PTPRN2: variants seen among roughly 807,000 people sequenced by gnomAD.
PTPRN2 encodes receptor-type tyrosine-protein phosphatase N2.
A neutral mutation model predicts 118.8 loss-of-function variants in PTPRN2; 74 were observed. The ratio of observed to expected loss-of-function variants is 0.62; its 90% CI spans 0.52 to 0.76. The LOEUF is 0.76. Among genes scored for constraint, PTPRN2 ranks in the 30% least tolerant of loss-of-function variants. The pLI, the probability that PTPRN2 is intolerant of heterozygous loss-of-function variation, is 0.00. For synonymous variants in PTPRN2, 641 were observed against 608.0 expected, an observed-to-expected ratio of 1.05 and a Z score of -0.80; for missense variants, 1,481 against 1,394.4, an observed-to-expected ratio of 1.06 and a Z score of -0.99.
intron 2 of PTPRN2, among the ~76,000 whole-genome samples, chr7:158,409,249 G>A (rs1346897741): frequency 6.6e-6 from 1 of 152,234 alleles, no homozygotes; most frequent in Non-Finnish European, 1.5e-5. Context: ...GGCCCACGCT[G>A]ACCTCTGCAG....
chr7:158,242,191 C>T (rs925871767), intron 3 of PTPRN2, among the ~76,000 whole-genome samples: 4 of 152,188 alleles, frequency 2.6e-5, no homozygotes, highest in African/African-American at 9.7e-5. Context: ...AGTACAACCT[C>T]CTCCCCGCCC....
intron 12 of PTPRN2, among the ~76,000 whole-genome samples, chr7:157,843,809 C>T (rs1233055381): frequency 6.6e-6 from 1 of 152,206 alleles, no homozygotes; most frequent in East Asian, 1.9e-4. Context: ...AGGACCAAGG[C>T]TTAATGCGTG....
chr7:158,166,854 C>T, intron 6 of PTPRN2, 77 bp downstream of exon 6: 1 of 1,385,648 alleles, frequency 7.2e-7, no homozygotes, highest in Non-Finnish European at 9.4e-7. Context: ...GTGGGAAGAG[C>T]ATGGTGCGTC....
intron 2 of PTPRN2, among the ~76,000 whole-genome samples, chr7:158,383,147 C>CT (rs1563225094): frequency 6.6e-6 from 1 of 152,114 alleles, no homozygotes; most frequent in Non-Finnish European, 1.5e-5. Flanking sequence ...GACCCACCTC[C>CT]TGAGCTAACG....
chr7:158,270,841 TCACCTGGACCGCCCCC>T (rs1443936334), intron 3 of PTPRN2, among the ~76,000 whole-genome samples: 223 of 4,576 alleles, frequency 0.049, 13 homozygotes, highest in African/African-American at 0.084. Context: ...GATGACCCCC[TCACCTGGACCGCCCCC>T]CCACCTGGAC....
intron 15 of PTPRN2, chr7:157,616,932 A>G (rs1021016877): frequency 1.3e-5 from 2 of 152,240 alleles, no homozygotes; most frequent in Non-Finnish European, 2.9e-5. Flanking sequence ...ATGCTTAGCC[A>G]AAGTGCTTCA....
At position 157,729,046 on chromosome 7, in the gene PTPRN2, A is replaced by T. The variant is rs1461396879; in HGVS notation, c.1789-46109T>A. On this transcript the variant is annotated intron_variant, in intron 12 of 22. Transcript: ENST00000389418. This position sits in a 1 kb window ranked among gnomAD's most constrained non-coding sequence, Gnocchi z 4.3. ...GGTCGGTCGTTGTCTGGACACAGAC[A>T]ATGGGAATCTGGGCTGATACCGGGC... 1.3e-5 allele frequency among the ~76,000 whole-genome samples: 2 copies of T among 152,194 alleles called. No individual in the cohort carries two copies. The highest frequency in any genetic ancestry group is 1.5e-5 in the Non-Finnish European group (1 of 68,022).
chr7:158,369,087 G>A (rs1333577613), intron 2 of PTPRN2, among the ~76,000 whole-genome samples: 1 of 152,000 alleles, frequency 6.6e-6, no homozygotes, highest in African/African-American at 2.4e-5. Context: ...GACTAGACTG[G>A]CCTAGCCTCC....
chr7:158,446,930 A>T lies in PTPRN2; in HGVS notation c.163+42805T>A, dbSNP rs142254622. ...GCTCCTGTTCCCACGGCCTCACGGC[A>T]TCCGTCACTTTCGAGGGTCATCACA... On this transcript the variant is annotated intron_variant, in intron 2 of 22. Coordinates refer to ENST00000389418, the MANE Select transcript of PTPRN2 (RefSeq NM_002847.5). 6.6e-5 allele frequency among the ~76,000 whole-genome samples: 10 copies of T among 152,278 alleles called. No homozygotes were observed. In the East Asian group the frequency reaches 1.4e-3, roughly 21 times the overall value.
chr7:157,592,320 G>A (rs750987723), intron 17 of PTPRN2, among the ~76,000 whole-genome samples: 2 of 152,260 alleles, frequency 1.3e-5, no homozygotes, highest in Non-Finnish European at 2.9e-5. Context: ...ATCTGGGCAC[G>A]CTATGAGCCT....
At position 157,615,451 on chromosome 7, in the gene PTPRN2, C is replaced by A. The variant is rs868158983; in HGVS notation, c.2344+5911G>T. On this transcript the variant is annotated intron_variant, in intron 15 of 22. Coordinates refer to ENST00000389418, the MANE Select transcript of PTPRN2 (RefSeq NM_002847.5). This position sits in a 1 kb window ranked among gnomAD's most constrained non-coding sequence, Gnocchi z 4.3. Reference sequence around the variant, plus strand: ...CGAGGATGAAAAGGAGGTGTTTAGCCCCGAGCCTCACGTGGAAACATCTGA... The same window carrying A: ...CGAGGATGAAAAGGAGGTGTTTAGCACCGAGCCTCACGTGGAAACATCTGA... 2.1e-6 allele frequency: 1 copy of A among 471,208 alleles called. No homozygotes were observed. The highest frequency in any genetic ancestry group is 1.5e-5 in the South Asian group (1 of 64,566). 29.2% of individuals were successfully genotyped at this position (471,208 alleles called of 1,614,324 possible).
Position 157,611,502 on chromosome 7 carries a change from G to A in PTPRN2, c.2345-7427C>T, listed in dbSNP as rs1364481600. 6.6e-6 allele frequency among the ~76,000 whole-genome samples: 1 copy of A among 152,170 alleles called. No individual in the cohort carries two copies. Among genetic ancestry groups the A allele is most frequent in the Non-Finnish European group, 1.5e-5 (1 of 68,010 alleles). ...CACTGAGCTGACTTGGAGGCACCAG[G>A]TCCCAGGGTTGAGCTGCGTACCCTC... On this transcript the variant is annotated intron_variant, in intron 15 of 22. Coordinates refer to ENST00000389418, the MANE Select transcript of PTPRN2 (RefSeq NM_002847.5). This position sits in a 1 kb window ranked among gnomAD's most constrained non-coding sequence, Gnocchi z 5.9.
chr7:158,136,745 A>C, intron 7 of PTPRN2, 50 bp from the exon 8 acceptor site: 1 of 1,577,564 alleles, frequency 6.3e-7, no homozygotes, highest in Non-Finnish European at 8.7e-7. Context: ...ATGTCATCAC[A>C]GGGTGCCACA....
chr7:158,176,704 C>T (rs562310656), intron 5 of PTPRN2, among the ~76,000 whole-genome samples: 1 of 152,332 alleles, frequency 6.6e-6, no homozygotes, highest in African/African-American at 2.4e-5. Flanking sequence ...GCCTCAGATG[C>T]TACTGTGTAT....
rs889956912 is a variant in PTPRN2, at chr7:157,848,814, G to A, written c.1788+49859C>T. Among the ~76,000 whole-genome samples the A allele has an allele frequency of 5.9e-5, 9 of 152,248 alleles. No individual in the cohort carries two copies. In the South Asian group the frequency reaches 6.2e-4, roughly 10 times the overall value. Reference sequence around the variant, plus strand: ...GGCCCGCACCCTGCAGTGAGCCCACGGCTATAGTGGTGCAGCCAGCAGCCC... The same window carrying A: ...GGCCCGCACCCTGCAGTGAGCCCACAGCTATAGTGGTGCAGCCAGCAGCCC... On this transcript the variant is annotated intron_variant, in intron 12 of 22. Coordinates refer to ENST00000389418, the MANE Select transcript of PTPRN2 (RefSeq NM_002847.5).
At chr7:158,225,481 A>G (rs1053658872) in intron 3 of PTPRN2, among the ~76,000 whole-genome samples, 2 of 152,220 alleles carry the variant, frequency 1.3e-5, no homozygotes, top group African/African-American at 2.4e-5. Flanking sequence ...GATAGATGCT[A>G]TATAATTTCA....
intron 11 of PTPRN2, among the ~76,000 whole-genome samples, chr7:157,982,323 A>ATG (rs1563296347): frequency 5.0e-3 from 32 of 6,386 alleles, no homozygotes; most frequent in African/African-American, 7.0e-3. Context: ...TCATAGAGCC[A>ATG]AGGAGGGGAA....
rs548574284 is a variant in PTPRN2 at position 157,549,161 on chromosome 7, C to A, written c.2903-142G>T. The A allele has an allele frequency of 3.2e-5, 25 of 774,852 alleles. No individual in the cohort carries two copies. In the African/African-American group the frequency reaches 4.1e-4, roughly 13 times the overall value. The allele number at this position is 774,852 out of a possible 1,614,324, so 48.0% of individuals were successfully genotyped here. A position where few individuals can be genotyped will look rare whatever the true frequency, so the allele number is the denominator to read the frequency against. On this transcript the variant is annotated intron_variant, in intron 21 of 22. Coordinates refer to ENST00000389418, the MANE Select transcript of PTPRN2 (RefSeq NM_002847.5). ...GCTCATCCCTCAGCCGGCTGGCAGG[C>A]GGCTGCAATTTCAGTGTTCATGTAG... is the stretch of plus-strand genomic sequence containing the variant.
In PTPRN2 at chr7:158,335,028, C is replaced by T. The variant is rs62480938; in HGVS notation, c.164-18096G>A. ...CACTGTCACCATAAGAGCTGACACCCGCAGACGTCACTCACATCCACACTC... is the reference window on the plus strand; with the variant it reads ...CACTGTCACCATAAGAGCTGACACCTGCAGACGTCACTCACATCCACACTC... On this transcript the variant is annotated intron_variant, in intron 2 of 22. Coordinates refer to ENST00000389418, the MANE Select transcript of PTPRN2 (RefSeq NM_002847.5). Among the ~76,000 whole-genome samples the T allele has an allele frequency of 6.8e-3, 55 of 8,136 alleles. 9 individuals are homozygous for T. Among genetic ancestry groups the T allele is most frequent in the African/African-American group, 0.013 (48 of 3,662 alleles). 5.3% of individuals were successfully genotyped at this position (8,136 alleles called of 152,430 possible). A position where few individuals can be genotyped will look rare whatever the true frequency, so the allele number is the denominator to read the frequency against.
Sources: allele counts gnomAD v4.1 joint callset (sites outside exome capture counted in the v4.1 genomes callset), GRCh38; gene constraint gnomAD v4.1.1; non-coding constraint Gnocchi (gnomAD v3.1); transcripts MANE v1.5; gene names NCBI Gene and HGNC (gene_info 2026-07-23, HGNC 2026-07-21).